PCDHA12: variants seen among roughly 807,000 people sequenced by gnomAD.
PCDHA12 encodes protocadherin alpha 12, also known as protocadherin alpha-12.
In PCDHA12, 44 loss-of-function variants were observed where a neutral mutation model predicts 60.0. The observed-to-expected ratio is 0.73, with a 90% CI of 0.58 to 0.94. PCDHA12 has a LOEUF of 0.94. Ranked by LOEUF, PCDHA12 falls within the 40% of genes least tolerant of loss-of-function variation. The pLI, the probability that PCDHA12 is intolerant of heterozygous loss-of-function variation, is 0.00. For synonymous variants in PCDHA12, 569 were observed against 553.0 expected (o/e 1.03, Z -0.40); for missense variants, 1,276 against 1,239.7 (o/e 1.03, Z -0.44).
In PCDHA12 at chr5:140,884,465, G is replaced by A. The variant is rs782791774; in HGVS notation, c.2367+6626G>A. 8.1e-6 allele frequency: 13 copies of A among 1,613,634 alleles called. No homozygotes were observed. In the South Asian group the frequency reaches 9.9e-5, roughly 12 times the overall value. ...GGCACCGCCCACCGAGGGCGCGTGCGCGCCGGGCAAGCCCACTCTAGTGTG... is the reference window on the plus strand; with the variant it reads ...GGCACCGCCCACCGAGGGCGCGTGCACGCCGGGCAAGCCCACTCTAGTGTG... On this transcript the variant is annotated intron_variant, in intron 1 of 3. Coordinates refer to ENST00000398631, the MANE Select transcript of PCDHA12 (RefSeq NM_018903.4).
chr5:140,946,613 T>A (rs1300820927), intron 1 of PCDHA12, among the ~76,000 whole-genome samples: 1 of 116,702 alleles, frequency 8.6e-6, no homozygotes, highest in South Asian at 2.6e-4. Context: ...AAATGTGAAA[T>A]ATATATATAT....
intron 1 of PCDHA12, among the ~76,000 whole-genome samples, chr5:140,894,750 TTGTG>T (rs2064648260): frequency 6.6e-6 from 1 of 152,080 alleles, no homozygotes; most frequent in Admixed American, 6.5e-5. Context: ...ATTTTTTTTC[TTGTG>T]TGTATTTATT....
chr5:140,929,022 C>T (rs17844367), intron 1 of PCDHA12: 4 of 1,614,172 alleles, frequency 2.5e-6, no homozygotes, highest in Admixed American at 3.3e-5. Context: ...TGCACCAGAG[C>T]CCAGGCTGTT....
chr5:140,927,582 G>A lies in PCDHA12; in HGVS notation c.2367+49743G>A, dbSNP rs1554204771. On this transcript the variant is annotated intron_variant, in intron 1 of 3. Transcript: ENST00000398631. ...TTGTGGTGGACACAAATGACAACGCGCCTGTATTTGAGCGCTCCGTATACC... is the reference window on the plus strand; with the variant it reads ...TTGTGGTGGACACAAATGACAACGCACCTGTATTTGAGCGCTCCGTATACC... 3.7e-6 allele frequency: 6 copies of A among 1,614,174 alleles called. No individual in the cohort carries two copies. In the East Asian group the frequency reaches 1.1e-4, roughly 30 times the overall value.
intron 3 of PCDHA12, 65 bp downstream of exon 3, chr5:140,982,628 G>T: frequency 6.3e-7 from 1 of 1,578,118 alleles, no homozygotes; most frequent in Non-Finnish European, 8.6e-7. Flanking sequence ...ACCTACTTTT[G>T]TAAGATCAGG....
At chr5:140,957,373 T>G (rs906109440) in intron 1 of PCDHA12, among the ~76,000 whole-genome samples, 1 of 152,192 alleles carries the variant, frequency 6.6e-6, no homozygotes, top group Non-Finnish European at 1.5e-5. Flanking sequence ...ACTTTTATTA[T>G]AGTGTATTGT....
chr5:140,926,755 T>G, intron 1 of PCDHA12: 4 of 1,282,566 alleles, frequency 3.1e-6, no homozygotes, highest in Non-Finnish European at 4.0e-6. Context: ...CGGCGGTCGC[T>G]GAGTATCCAG....
intron 1 of PCDHA12, chr5:140,882,941 A>G (rs2059372388): frequency 6.2e-7 from 1 of 1,614,128 alleles, no homozygotes; most frequent in African/African-American, 1.3e-5. Context: ...GCTGACTGGC[A>G]CAGTTCAGCT....
chr5:140,885,465 C>T (rs1363216895), intron 1 of PCDHA12, among the ~76,000 whole-genome samples: 1 of 152,144 alleles, frequency 6.6e-6, no homozygotes, highest in Non-Finnish European at 1.5e-5. Context: ...TAATGATGGG[C>T]AATCACTTTG....
chr5:140,983,429 T>G (rs2097050099), intron 3 of PCDHA12, among the ~76,000 whole-genome samples: 1 of 152,214 alleles, frequency 6.6e-6, no homozygotes, highest in South Asian at 2.1e-4. Flanking sequence ...AGACCACAAA[T>G]TGTGTCTACT....
intron 1 of PCDHA12, among the ~76,000 whole-genome samples, chr5:140,908,124 C>A (rs782391085): frequency 6.6e-6 from 1 of 152,234 alleles, no homozygotes; most frequent in Non-Finnish European, 1.5e-5. Flanking sequence ...GATTTCCCTT[C>A]ACTGCTGTCC....
chr5:140,950,668 T>C (rs185130303), intron 1 of PCDHA12, among the ~76,000 whole-genome samples: 5 of 152,238 alleles, frequency 3.3e-5, no homozygotes, highest in African/African-American at 9.6e-5. Flanking sequence ...TTATCAAACA[T>C]GTACATGTAT....
At chr5:140,915,244 G>A (rs1440851135) in intron 1 of PCDHA12, among the ~76,000 whole-genome samples, 2 of 152,058 alleles carry the variant, frequency 1.3e-5, no homozygotes, top group Non-Finnish European at 2.9e-5. Flanking sequence ...ACCATGCCTG[G>A]CCAGGTTGTT....
chr5:140,957,763 T>C (rs1375605810), intron 1 of PCDHA12, among the ~76,000 whole-genome samples: 1 of 152,100 alleles, frequency 6.6e-6, no homozygotes, highest in Non-Finnish European at 1.5e-5. Context: ...TCATTATATA[T>C]GTTAAGTAAA....
At chr5:140,967,409 C>T (rs1451311967) in intron 1 of PCDHA12, 9 of 1,613,130 alleles carry the variant, frequency 5.6e-6, no homozygotes, top group Non-Finnish European at 7.6e-6. Flanking sequence ...GCGTAAGGGC[C>T]TAGACCGGGA....
At chr5:141,008,426 C>T (rs2098375902) in intron 3 of PCDHA12, among the ~76,000 whole-genome samples, 1 of 152,170 alleles carries the variant, frequency 6.6e-6, no homozygotes, top group Non-Finnish European at 1.5e-5. Flanking sequence ...ACTGGGATCA[C>T]TTTGCCCAGA....
chr5:140,885,641 T>G (rs917089389), intron 1 of PCDHA12, among the ~76,000 whole-genome samples: 10 of 152,200 alleles, frequency 6.6e-5, no homozygotes, highest in Admixed American at 6.5e-4. Context: ...GCCTTCCAAG[T>G]ATTTTGGAAC....
intron 1 of PCDHA12, among the ~76,000 whole-genome samples, chr5:140,905,031 T>G (rs2071545933): frequency 6.6e-6 from 1 of 152,228 alleles, no homozygotes. Flanking sequence ...GCAGAAGCTT[T>G]TTAGTTTAAT....
At chr5:140,905,611 T>C (rs1396340503) in intron 1 of PCDHA12, among the ~76,000 whole-genome samples, 1 of 152,224 alleles carries the variant, frequency 6.6e-6, no homozygotes, top group South Asian at 2.1e-4. Flanking sequence ...ATTGAATCTA[T>C]AGATTGCTTT....
Sources: gnomAD v4.1 joint callset for allele counts (sites outside exome capture counted in the v4.1 genomes callset) on GRCh38, gnomAD v4.1.1 for gene constraint, MANE v1.5 for transcripts, NCBI Gene and HGNC (gene_info 2026-07-23, HGNC 2026-07-21) for gene names.